Variants in MTIF2 observed in about 807,000 individuals in gnomAD.
MTIF2 encodes translation initiation factor IF-2, mitochondrial.
In MTIF2, 71 loss-of-function variants were observed where a neutral mutation model predicts 83.5. The ratio of observed to expected loss-of-function variants is 0.85; its 90% CI spans 0.70 to 1.04. MTIF2 has a LOEUF of 1.04. MTIF2 is among the 50% of genes least tolerant of loss of function. The pLI is 0.00. For synonymous variants in MTIF2, 319 were observed against 287.1 expected (o/e 1.11, Z -1.12); for missense variants, 957 against 846.5 (o/e 1.13, Z -1.62).
chr2:55,239,868 G>T, intron 14 of MTIF2, 143 bp downstream of exon 14: 1 of 650,802 alleles, frequency 1.5e-6, no homozygotes, highest in Non-Finnish European at 2.5e-6. Flanking sequence ...AAGTTACAAT[G>T]GATTCTCATG....
intron 13 of MTIF2, among the ~76,000 whole-genome samples, chr2:55,242,019 G>A (rs1011551230): frequency 1.3e-5 from 2 of 151,780 alleles, no homozygotes; most frequent in Admixed American, 1.3e-4. Context: ...GGTGGTGCAC[G>A]CCTATAATCC....
intron 3 of MTIF2, among the ~76,000 whole-genome samples, chr2:55,264,362 G>C (rs2104472778): frequency 6.6e-6 from 1 of 152,244 alleles, no homozygotes; most frequent in East Asian, 1.9e-4. Flanking sequence ...CTCCCTAATA[G>C]CTGGGACTAG....
chr2:55,266,068 T>C (rs577928113), intron 3 of MTIF2, among the ~76,000 whole-genome samples: 4 of 152,168 alleles, frequency 2.6e-5, no homozygotes, highest in Non-Finnish European at 4.4e-5. Flanking sequence ...AATTTTGGCA[T>C]GCGGCAGCGG....
intron 7 of MTIF2, among the ~76,000 whole-genome samples, 175 bp from the exon 8 acceptor site, chr2:55,252,828 C>T (rs749008971): frequency 1.3e-5 from 2 of 152,064 alleles, no homozygotes; most frequent in Non-Finnish European, 2.9e-5. Flanking sequence ...TGATAAAATG[C>T]CAGTGAGATT....
chr2:55,249,551 TA>T lies in MTIF2; in HGVS notation c.842-18del, dbSNP rs1019745380. ...TAATAGGAACTGAAAGAAATGGAGTTAAAAAGAGTGAAAATGATGACACCTT... is the reference window on the plus strand; with the variant it reads ...TAATAGGAACTGAAAGAAATGGAGTTAAAAGAGTGAAAATGATGACACCTT... On this transcript the variant is annotated intron_variant, in intron 8 of 15. Coordinates refer to ENST00000263629, the MANE Select transcript of MTIF2 (RefSeq NM_002453.3). 1 of 1,610,596 alleles carries T rather than the reference TA, an allele frequency of 6.2e-7. No individual in the cohort carries two copies. Among genetic ancestry groups the T allele is most frequent in the East Asian group, 2.2e-5 (1 of 44,844 alleles).
At chr2:55,257,287 C>G (rs1425082263) in intron 5 of MTIF2, among the ~76,000 whole-genome samples, 1 of 152,106 alleles carries the variant, frequency 6.6e-6, no homozygotes, top group Non-Finnish European at 1.5e-5. Flanking sequence ...TGAGACGAGC[C>G]TGGCCAACAT....
intron 14 of MTIF2, among the ~76,000 whole-genome samples, chr2:55,237,656 T>TC (rs1675976069): frequency 2.8e-5 from 4 of 141,596 alleles, no homozygotes; most frequent in South Asian, 2.3e-4. Context: ...TTTCTTTTTT[T>TC]TTTTTTTTTT....
chr2:55,260,343 C>G (rs567105788), intron 5 of MTIF2, among the ~76,000 whole-genome samples: 13 of 145,028 alleles, frequency 9.0e-5, no homozygotes, highest in Non-Finnish European at 1.2e-4. Flanking sequence ...GATGTTGCAG[C>G]AAGCCGAGAT....
At chr2:55,241,421 A>C (rs1432320675) in intron 13 of MTIF2, among the ~76,000 whole-genome samples, 1 of 150,752 alleles carries the variant, frequency 6.6e-6, no homozygotes, top group African/African-American at 2.4e-5. Flanking sequence ...CTGTCTCAAA[A>C]AAAAAAAAAC....
At chr2:55,247,916 G>A (rs1676821589) in intron 9 of MTIF2, among the ~76,000 whole-genome samples, 2 of 151,790 alleles carry the variant, frequency 1.3e-5, no homozygotes, top group Non-Finnish European at 2.9e-5. Flanking sequence ...TTTTAGACAA[G>A]GTCTCACTCT....
chr2:55,258,511 A>T (rs756648089), intron 5 of MTIF2, among the ~76,000 whole-genome samples: 6 of 152,072 alleles, frequency 3.9e-5, no homozygotes, highest in Non-Finnish European at 7.4e-5. Context: ...TCTACCAAAA[A>T]TACAAAAATT....
Position 55,237,399 on chromosome 2 carries a change from C to A in MTIF2, c.1900G>T (p.Val634Leu), listed in dbSNP as rs779889264. 7 of 1,612,490 alleles carry A rather than the reference C, an allele frequency of 4.3e-6. No individual in the cohort carries two copies. The highest frequency in any genetic ancestry group is 5.1e-6 in the Non-Finnish European group (6 of 1,179,744). The change falls in exon 15 of 16, where the codon GTA becomes TTA. Residue 634 changes from valine to leucine, a missense_variant. Around this residue, in one of 3 missense-constraint regions of MTIF2, gnomAD observed 221 missense variants for 180.6 expected, o/e 1.22. Coordinates refer to ENST00000263629, the MANE Select transcript of MTIF2 (RefSeq NM_002453.3). Reference protein sequence around the residue: ...GEASILATFSVTEGKKKVPVA... With the variant: ...GEASILATFSLTEGKKKVPVA... ...GGAACTTTTTTCTTCCCTTCTGTTACAGAGAAGGTAGCTAGTATAGATGCC... is the reference window on the plus strand; with the variant it reads ...GGAACTTTTTTCTTCCCTTCTGTTAAAGAGAAGGTAGCTAGTATAGATGCC...
chr2:55,260,838 T>C (rs1180090567), intron 5 of MTIF2, among the ~76,000 whole-genome samples: 3 of 152,206 alleles, frequency 2.0e-5, no homozygotes, highest in African/African-American at 7.2e-5. Flanking sequence ...TGAATTTTAA[T>C]ATCACTTTAT....
Position 55,236,702 on chromosome 2 carries a change from A to G in MTIF2, c.2130T>C (p.Val710=). 1 of 1,606,952 alleles carries G rather than the reference A, an allele frequency of 6.2e-7. No homozygotes were observed. Among genetic ancestry groups the G allele is most frequent in the Non-Finnish European group, 8.5e-7 (1 of 1,178,172 alleles). Residue 710 remains valine, a synonymous_variant, in exon 16 of 16, where the codon GTT becomes GTC. Transcript: ENST00000263629. Reference sequence around the variant, plus strand: ...CTTGAATTTGCTTTTCTTCATAACAAACAATTCTGTCTCCCACTTGAAATT... The same window carrying G: ...CTTGAATTTGCTTTTCTTCATAACAGACAATTCTGTCTCCCACTTGAAATT... The part of the protein sequence containing the change: ...NMEFQVGDRI[V]CYEEKQIQAK...
chr2:55,251,667 A>T (rs981520352), intron 8 of MTIF2, among the ~76,000 whole-genome samples: 2 of 152,220 alleles, frequency 1.3e-5, no homozygotes, highest in Non-Finnish European at 2.9e-5. Flanking sequence ...TTTGTTGCCC[A>T]GGCTGGAGTG....
chr2:55,245,526 AAAAG>A (rs1200588860), intron 10 of MTIF2, among the ~76,000 whole-genome samples: 1 of 152,204 alleles, frequency 6.6e-6, no homozygotes, highest in Non-Finnish European at 1.5e-5. Context: ...GTCCGTCTCA[AAAAG>A]AAAGAAAGAA....
At chr2:55,242,660 G>A (rs1026872187) in intron 13 of MTIF2, among the ~76,000 whole-genome samples, 12 of 152,176 alleles carry the variant, frequency 7.9e-5, no homozygotes, top group African/African-American at 2.4e-4. Context: ...GGAGTAGGGA[G>A]AGGGGGCAGT....
chr2:55,264,085 T>C (rs1020198399), intron 3 of MTIF2, among the ~76,000 whole-genome samples: 10 of 152,208 alleles, frequency 6.6e-5, no homozygotes, highest in African/African-American at 2.4e-4. Context: ...ACTGTTAATG[T>C]TACCACTATG....
At chr2:55,237,455 G>A (rs760867039) in intron 14 of MTIF2, 27 bp from the exon 15 acceptor site, 5 of 1,562,204 alleles carry the variant, frequency 3.2e-6, no homozygotes, top group African/African-American at 1.4e-5. Context: ...ACATTAATGT[G>A]CAGAAAACTA....
Sources: gnomAD v4.1 joint callset for allele counts (sites outside exome capture counted in the v4.1 genomes callset) on GRCh38, gnomAD v4.1.1 for gene constraint, gnomAD v4.1.1 regional missense constraint, MANE v1.5 for transcripts, NCBI Gene and HGNC (gene_info 2026-07-23, HGNC 2026-07-21) for gene names.